RABGEF1: variants seen among roughly 807,000 people sequenced by gnomAD.
RABGEF1 encodes the protein rab5 GDP/GTP exchange factor.
A neutral mutation model predicts 57.3 loss-of-function variants in RABGEF1; 26 were observed. The observed-to-expected ratio is 0.45, with a 90% confidence interval of 0.33 to 0.63. The LOEUF (loss-of-function observed/expected upper bound fraction) is 0.63, where lower values mean the gene tolerates loss of function less well. Ranked by LOEUF, RABGEF1 falls within the 20% of genes least tolerant of loss-of-function variation. The pLI, the probability that RABGEF1 is intolerant of heterozygous loss-of-function variation, is 0.02. For missense variants in RABGEF1, 464 were observed against 607.6 expected, an observed-to-expected ratio of 0.76 and a Z score of 2.48; for synonymous variants, 185 against 210.7, an observed-to-expected ratio of 0.88 and a Z score of 1.06.
At chr7:66,801,919 G>GTTAT (rs1787381427) in intron 7 of RABGEF1, among the ~76,000 whole-genome samples, 1 of 151,674 alleles carries the variant, frequency 6.6e-6, no homozygotes, top group South Asian at 2.1e-4. Context: ...TAGTTAGTTA[G>GTTAT]TTATTTTTGA....
chr7:66,692,407 A>G (rs1226369808), intron 1 of RABGEF1, among the ~76,000 whole-genome samples: 1 of 152,210 alleles, frequency 6.6e-6, no homozygotes, highest in Non-Finnish European at 1.5e-5. Context: ...GAAGAACCTC[A>G]GCGAGTGCAT....
At chr7:66,663,654 G>C in the RABGEF1 span, among the ~76,000 whole-genome samples, 7 of 151,718 alleles carry the variant, frequency 4.6e-5, no homozygotes, top group African/African-American at 1.7e-4. Context: ...TGACAAGTTA[G>C]TGGGTGCAGC....
At chr7:66,656,656 C>G in the RABGEF1 span, among the ~76,000 whole-genome samples, 1 of 151,876 alleles carries the variant, frequency 6.6e-6, no homozygotes, top group Non-Finnish European at 1.5e-5. Context: ...CGTGTCTCTA[C>G]TAAAAACAGA....
chr7:66,797,453 T>C lies in RABGEF1; in HGVS notation c.675T>C (p.Cys225=). Residue 225 remains cysteine (C), a synonymous_variant, in exon 6 of 9, where the codon TGT becomes TGC. Coordinates refer to ENST00000284957, the MANE Select transcript of RABGEF1 (RefSeq NM_014504.3). ...IMTRLYKYVF[C]PETTDDEKKD... Reference sequence around the variant, plus strand: ...CTCGTCTCTATAAATATGTATTCTGTCCAGAAACTACTGATGATGAGAAGA... The same window carrying C: ...CTCGTCTCTATAAATATGTATTCTGCCCAGAAACTACTGATGATGAGAAGA... 3 of 1,611,610 alleles carry C rather than the reference T, an allele frequency of 1.9e-6. No homozygotes were observed. Among genetic ancestry groups the C allele is most frequent in the Non-Finnish European group, 2.5e-6 (3 of 1,179,704 alleles).
chr7:66,744,998 C>G (rs2129053204), intron 1 of RABGEF1, among the ~76,000 whole-genome samples: 1 of 152,082 alleles, frequency 6.6e-6, no homozygotes, highest in South Asian at 2.1e-4. Flanking sequence ...CCAGACCATC[C>G]TGGCTAACAT....
At chr7:66,696,875 G>A (rs1222123122) in intron 1 of RABGEF1, among the ~76,000 whole-genome samples, 1 of 152,132 alleles carries the variant, frequency 6.6e-6, no homozygotes, top group Non-Finnish European at 1.5e-5. Context: ...GATGACAGGA[G>A]CAGGCCCAGA....
chr7:66,718,580 C>G (rs1352464307), intron 2 of RABGEF1, among the ~76,000 whole-genome samples: 1 of 151,808 alleles, frequency 6.6e-6, no homozygotes, highest in Non-Finnish European at 1.5e-5. Flanking sequence ...AAAAAATAGG[C>G]AATGGATTTG....
chr7:66,694,633 A>G (rs921822784), intron 1 of RABGEF1, among the ~76,000 whole-genome samples: 7 of 152,208 alleles, frequency 4.6e-5, no homozygotes, highest in African/African-American at 1.7e-4. Flanking sequence ...AGTGACGTGG[A>G]TGTCACGATA....
chr7:66,775,669 C>T (rs1203731434), intron 3 of RABGEF1, among the ~76,000 whole-genome samples: 1 of 152,194 alleles, frequency 6.6e-6, no homozygotes, highest in African/African-American at 2.4e-5. Context: ...ATCCAAATGA[C>T]TATCTCTTTG....
intron 1 of RABGEF1, among the ~76,000 whole-genome samples, chr7:66,682,440 G>C (rs1317473942): frequency 6.6e-6 from 1 of 152,174 alleles, no homozygotes; most frequent in African/African-American, 2.4e-5. Flanking sequence ...GGCCGCCCTC[G>C]GTTCCCTTAA....
chr7:66,692,078 C>CAAAT (rs149234866), intron 1 of RABGEF1, among the ~76,000 whole-genome samples: 10 of 128,548 alleles, frequency 7.8e-5, no homozygotes, highest in Admixed American at 2.3e-4. Flanking sequence ...AACAAACAAA[C>CAAAT]AAATAAATAA....
intron 1 of RABGEF1, among the ~76,000 whole-genome samples, chr7:66,757,614 A>C (rs1448666097): frequency 1.3e-5 from 2 of 152,166 alleles, no homozygotes; most frequent in Non-Finnish European, 1.5e-5. Context: ...TGATGACTAA[A>C]ACTTTTTTTC....
intron 3 of RABGEF1, among the ~76,000 whole-genome samples, chr7:66,779,965 A>G (rs973796875): frequency 6.6e-6 from 1 of 152,212 alleles, no homozygotes; most frequent in Non-Finnish European, 1.5e-5. Flanking sequence ...TTGGAGAAAA[A>G]CAACCAAGTG....
chr7:66,793,191 C>G lies in RABGEF1; in HGVS notation c.514-2320C>G, dbSNP rs988341457. ...TATCCCTTATCCGAGAGCCTTGGGA[C>G]CAGAAGTGTTTCAGATTTTGGGGTT... On this transcript the variant is annotated intron_variant, in intron 4 of 8. Coordinates refer to ENST00000284957, the MANE Select transcript of RABGEF1 (RefSeq NM_014504.3). Among the ~76,000 whole-genome samples, 3 of 152,086 alleles carry G rather than the reference C, an allele frequency of 2.0e-5. No homozygotes were observed. In the East Asian group the frequency reaches 5.8e-4, roughly 29 times the overall value.
rs1042501957 is a variant in RABGEF1 at position 66,753,940 on chromosome 7, T to G, written c.-18+13148T>G. 2.6e-4 allele frequency among the ~76,000 whole-genome samples: 38 copies of G among 146,894 alleles called. 4 individuals carry two copies. The highest frequency in any genetic ancestry group is 5.8e-4 in the Non-Finnish European group (38 of 65,858). On this transcript the variant is annotated intron_variant, in intron 1 of 8. Coordinates refer to ENST00000284957, the MANE Select transcript of RABGEF1 (RefSeq NM_014504.3). Reference sequence around the variant, plus strand: ...CAGGCTGTTCTTGAACTCCTGACCTTGTGATCCACCTGCCTCTGCCTCCCA... The same window carrying G: ...CAGGCTGTTCTTGAACTCCTGACCTGGTGATCCACCTGCCTCTGCCTCCCA...
chr7:66,752,555 T>A (rs1485224142), intron 1 of RABGEF1, among the ~76,000 whole-genome samples: 2 of 152,180 alleles, frequency 1.3e-5, no homozygotes, highest in Non-Finnish European at 2.9e-5. Context: ...GTTCCTCATA[T>A]TCAGAAAAGG....
At chr7:66,737,095 A>AGAGAGAGAGC, upstream of RABGEF1, among the ~76,000 whole-genome samples, 1 of 138,738 alleles carries the variant, frequency 7.2e-6, no homozygotes, top group South Asian at 2.4e-4. Flanking sequence ...AGCGAGAGCG[A>AGAGAGAGAGC]GAGAGAGAGA....
intron 2 of RABGEF1, among the ~76,000 whole-genome samples, chr7:66,720,569 C>G (rs12539191): frequency 0.037 from 5,528 of 151,096 alleles, 158 homozygotes; most frequent in East Asian, 0.085. Context: ...AGAAAAAATA[C>G]AGCTACAAAA....
At chr7:66,718,960 C>T (rs1584912750) in intron 2 of RABGEF1, among the ~76,000 whole-genome samples, 2 of 152,342 alleles carry the variant, frequency 1.3e-5, no homozygotes, top group Middle Eastern at 3.4e-3. Context: ...ATACTTCTTA[C>T]GACTGCATCT....
Sources: allele counts gnomAD v4.1 joint callset (sites outside exome capture counted in the v4.1 genomes callset), GRCh38; gene constraint gnomAD v4.1.1; transcripts MANE v1.5; gene names NCBI Gene and HGNC (gene_info 2026-07-23, HGNC 2026-07-21).